Variants in NALF1 observed in about 807,000 individuals in gnomAD.
NALF1 encodes the protein family with sequence similarity 155 member A.
In NALF1, 3 loss-of-function variants were observed where a neutral mutation model predicts 48.4. That is an observed-to-expected ratio of 0.06 (90% CI 0.03 to 0.16). NALF1 has a LOEUF of 0.16. Among genes scored for constraint, NALF1 ranks in the 10% least tolerant of loss-of-function variants. The pLI, the probability that NALF1 is intolerant of heterozygous loss-of-function variation, is 1.00. For synonymous variants in NALF1, 262 were observed against 245.7 expected, an observed-to-expected ratio of 1.07 and a Z score of -0.62; for missense variants, 526 against 571.5, an observed-to-expected ratio of 0.92 and a Z score of 0.81.
intron 1 of NALF1, among the ~76,000 whole-genome samples, chr13:107,260,913 T>C (rs1412509528): frequency 6.6e-6 from 1 of 152,220 alleles, no homozygotes; most frequent in African/African-American, 2.4e-5. Flanking sequence ...CTCTTCCAAG[T>C]CTGGGCTGTA....
chr13:107,398,466 G>A (rs916739740), intron 1 of NALF1, among the ~76,000 whole-genome samples: 8 of 151,284 alleles, frequency 5.3e-5, no homozygotes, highest in Admixed American at 2.6e-4. Context: ...GCTCTCTCAT[G>A]GATACTTCTG....
chr13:107,259,404 G>C (rs1880885744), intron 1 of NALF1, among the ~76,000 whole-genome samples: 1 of 152,186 alleles, frequency 6.6e-6, no homozygotes, highest in Non-Finnish European at 1.5e-5. Flanking sequence ...CGCAAATGCT[G>C]TGTACAATGT....
intron 1 of NALF1, among the ~76,000 whole-genome samples, chr13:107,369,053 T>C (rs887791662): frequency 2.6e-5 from 4 of 152,074 alleles, no homozygotes; most frequent in Non-Finnish European, 4.4e-5. Flanking sequence ...TCATTGTGTG[T>C]CAAAAATTCC....
chr13:107,568,472 T>C (rs891067911), intron 1 of NALF1, among the ~76,000 whole-genome samples: 1 of 152,220 alleles, frequency 6.6e-6, no homozygotes, highest in African/African-American at 2.4e-5. Flanking sequence ...TGCCTCAGAG[T>C]GCAATTATTG....
rs542164988 is a variant in NALF1 at position 107,762,890 on chromosome 13, T to C, written c.915+102792A>G. 2.6e-5 allele frequency among the ~76,000 whole-genome samples: 4 copies of C among 152,296 alleles called. No individual in the cohort carries two copies. The South Asian group carries it at 8.3e-4, about 32-fold the overall frequency. On this transcript the variant is annotated intron_variant, in intron 1 of 2. Transcript: ENST00000375915. ...GAGTCTTAAAAATTGTGTTAAGAAG[T>C]TTTAATTTTATCTGGCAAGTGATGA...
At chr13:107,341,209 T>C (rs998264151) in intron 1 of NALF1, among the ~76,000 whole-genome samples, 2 of 152,098 alleles carry the variant, frequency 1.3e-5, no homozygotes, top group Non-Finnish European at 2.9e-5. Flanking sequence ...TTAATACTTC[T>C]CATCAGCCTA....
At chr13:107,425,566 C>A (rs1036437680) in intron 1 of NALF1, among the ~76,000 whole-genome samples, 1 of 151,958 alleles carries the variant, frequency 6.6e-6, no homozygotes, top group East Asian at 1.9e-4. Context: ...TATCAGATAT[C>A]CATGTACTAT....
chr13:107,255,716 GTTA>G (rs1880801146), intron 1 of NALF1, among the ~76,000 whole-genome samples: 1 of 152,216 alleles, frequency 6.6e-6, no homozygotes, highest in Admixed American at 6.5e-5. Flanking sequence ...CTTTAATGTT[GTTA>G]TTATTATTAC....
At chr13:107,344,295 C>CA (rs1555333513) in intron 1 of NALF1, among the ~76,000 whole-genome samples, 1 of 152,016 alleles carries the variant, frequency 6.6e-6, no homozygotes, top group Non-Finnish European at 1.5e-5. Flanking sequence ...CAAACTCTTC[C>CA]AAAAAACTGA....
At chr13:107,516,319 A>G (rs1448816626) in intron 1 of NALF1, among the ~76,000 whole-genome samples, 3 of 152,206 alleles carry the variant, frequency 2.0e-5, no homozygotes, top group Non-Finnish European at 2.9e-5. Flanking sequence ...AGTGTGGCAG[A>G]AAGCATTGTG....
At chr13:107,175,348 A>T (rs896897498) in intron 2 of NALF1, among the ~76,000 whole-genome samples, 2 of 152,058 alleles carry the variant, frequency 1.3e-5, no homozygotes, top group East Asian at 3.9e-4. Context: ...CTTCCATTGC[A>T]TCTCGTGTTG....
At chr13:107,581,764 A>G (rs1878318502) in intron 1 of NALF1, among the ~76,000 whole-genome samples, 1 of 152,228 alleles carries the variant, frequency 6.6e-6, no homozygotes, top group South Asian at 2.1e-4. Context: ...ATTTTTCTTC[A>G]TAAGCAAATT....
chr13:107,355,161 G>C (rs1882941237), intron 1 of NALF1, among the ~76,000 whole-genome samples: 1 of 152,156 alleles, frequency 6.6e-6, no homozygotes, highest in Non-Finnish European at 1.5e-5. Context: ...GTTACAGTGA[G>C]GTGACAGGTC....
At chr13:107,400,117 G>A (rs1883779748) in intron 1 of NALF1, among the ~76,000 whole-genome samples, 1 of 152,010 alleles carries the variant, frequency 6.6e-6, no homozygotes, top group Admixed American at 6.6e-5. Flanking sequence ...GTCTCATGCA[G>A]GTAATTGTTA....
intron 2 of NALF1, among the ~76,000 whole-genome samples, chr13:107,198,141 G>A (rs1879432021): frequency 6.6e-6 from 1 of 152,074 alleles, no homozygotes; most frequent in East Asian, 1.9e-4. Context: ...TTAATTTTTA[G>A]TGCAGTTTTA....
At chr13:107,660,482 CACAACAAAG>C (rs1880706780) in intron 1 of NALF1, among the ~76,000 whole-genome samples, 1 of 86,782 alleles carries the variant, frequency 1.2e-5, no homozygotes, top group African/African-American at 4.2e-5. Context: ...CACACACACA[CACAACAAAG>C]AAACAAAAAA....
chr13:107,515,025 A>AGCTGTATG (rs1876013512), intron 1 of NALF1, among the ~76,000 whole-genome samples: 1 of 152,204 alleles, frequency 6.6e-6, no homozygotes. Context: ...GTGACCTGCT[A>AGCTGTATG]GCTGTATGGC....
intron 1 of NALF1, among the ~76,000 whole-genome samples, chr13:107,650,634 T>C (rs1427819453): frequency 2.0e-5 from 3 of 151,980 alleles, no homozygotes; most frequent in Non-Finnish European, 2.9e-5. Context: ...TGGTGTATAC[T>C]GCCCGGGTGA....
intron 1 of NALF1, among the ~76,000 whole-genome samples, chr13:107,404,685 A>G (rs974089595): frequency 2.1e-4 from 32 of 152,244 alleles, no homozygotes; most frequent in African/African-American, 7.5e-4. Flanking sequence ...AGTAGGAATT[A>G]TAAGTTTGCT....
Sources: allele counts gnomAD v4.1 joint callset (sites outside exome capture counted in the v4.1 genomes callset), GRCh38; gene constraint gnomAD v4.1.1; transcripts MANE v1.5; gene names NCBI Gene and HGNC (gene_info 2026-07-23, HGNC 2026-07-21).